The following FAF1 variants were observed in gnomAD, a reference collection of about 807,000 sequenced individuals.
FAF1 encodes the protein FAS-associated factor 1.
FAF1 carries 25 observed loss-of-function variants against 92.5 expected under a neutral mutation model. The ratio of observed to expected loss-of-function variants is 0.27; its 90% CI spans 0.20 to 0.38. The LOEUF (loss-of-function observed/expected upper bound fraction) is 0.38. Ranked by LOEUF, FAF1 falls within the 10% of genes least tolerant of loss-of-function variation. The pLI is 1.00. For missense variants in FAF1, 636 were observed against 793.3 expected (o/e 0.80, Z 2.38); for synonymous variants, 234 against 273.2 (o/e 0.86, Z 1.42).
At chr1:50,795,740 G>A (rs947397975) in intron 3 of FAF1, among the ~76,000 whole-genome samples, 1 of 152,122 alleles carries the variant, frequency 6.6e-6, no homozygotes, top group African/African-American at 2.4e-5. Flanking sequence ...CAGAAATCAT[G>A]GTTCCCAAAG....
intron 2 of FAF1, among the ~76,000 whole-genome samples, chr1:50,848,455 T>C (rs527806906): frequency 1.3e-5 from 2 of 152,308 alleles, no homozygotes; most frequent in African/African-American, 2.4e-5. Context: ...ATTATGTCAA[T>C]GGAGAATAAA....
intron 2 of FAF1, among the ~76,000 whole-genome samples, chr1:50,840,949 G>C (rs1644250780): frequency 6.6e-6 from 1 of 151,954 alleles, no homozygotes; most frequent in Admixed American, 6.6e-5. Context: ...CTGAAGTTAA[G>C]ACTGGTACTG....
At chr1:50,602,706 T>G (rs1652202622) in intron 8 of FAF1, among the ~76,000 whole-genome samples, 1 of 152,068 alleles carries the variant, frequency 6.6e-6, no homozygotes. Flanking sequence ...TTCATCATGT[T>G]GCCCAGGCTG....
chr1:50,813,636 A>T lies in FAF1; in HGVS notation c.115-11959T>A, dbSNP rs931706742. On this transcript the variant is annotated intron_variant, in intron 2 of 18. Coordinates refer to ENST00000396153, the MANE Select transcript of FAF1 (RefSeq NM_007051.3). ...CCACCATGCCCAACTAATTTTAAAA[A>T]TTTTTTTGTAGAGACGGAGTTTCAC... Among the ~76,000 whole-genome samples the T allele has an allele frequency of 3.3e-5, 5 of 152,072 alleles. No individual in the cohort carries two copies. The South Asian group carries it at 6.2e-4, about 19-fold the overall frequency.
chr1:50,643,183 G>A (rs1264256104), intron 8 of FAF1, among the ~76,000 whole-genome samples: 1 of 152,092 alleles, frequency 6.6e-6, no homozygotes, highest in African/African-American at 2.4e-5. Flanking sequence ...CTCTTTTAAT[G>A]GATTTTTAGC....
chr1:50,751,040 T>C (rs1439598765), intron 4 of FAF1, among the ~76,000 whole-genome samples: 1 of 147,916 alleles, frequency 6.8e-6, no homozygotes, highest in East Asian at 2.1e-4. Context: ...ACTATACTAA[T>C]ATGGGGATGT....
chr1:50,478,990 A>G (rs1646670023), intron 17 of FAF1, among the ~76,000 whole-genome samples: 1 of 152,190 alleles, frequency 6.6e-6, no homozygotes, highest in South Asian at 2.1e-4. Flanking sequence ...TCAGAAGCAT[A>G]CCCTTTCCTG....
At chr1:50,500,353 C>T (rs1400032309) in intron 15 of FAF1, among the ~76,000 whole-genome samples, 1 of 151,916 alleles carries the variant, frequency 6.6e-6, no homozygotes, top group African/African-American at 2.4e-5. Context: ...AGATATAGAC[C>T]TATGCATATA....
chr1:50,640,872 T>C (rs576581979), intron 8 of FAF1, among the ~76,000 whole-genome samples: 41 of 144,560 alleles, frequency 2.8e-4, no homozygotes, highest in Non-Finnish European at 6.0e-4. Flanking sequence ...TCTCACTCTG[T>C]CGCCAGGCTG....
chr1:50,864,949 A>T (rs1424945580), intron 1 of FAF1, among the ~76,000 whole-genome samples: 1 of 152,126 alleles, frequency 6.6e-6, no homozygotes, highest in Non-Finnish European at 1.5e-5. Flanking sequence ...CATCTGACAA[A>T]GGGCTAATAT....
intron 8 of FAF1, among the ~76,000 whole-genome samples, chr1:50,602,503 C>CTT (rs1424715054): frequency 4.2e-4 from 58 of 136,666 alleles, no homozygotes; most frequent in African/African-American, 5.9e-4. Flanking sequence ...TAAAGTATTG[C>CTT]TTTTTTTTTT....
intron 1 of FAF1, among the ~76,000 whole-genome samples, chr1:50,880,699 T>TAAAAAAAA (rs1162506981): frequency 6.6e-6 from 1 of 152,218 alleles, no homozygotes; most frequent in Non-Finnish European, 1.5e-5. Context: ...TTCTGTTGTT[T>TAAAAAAAA]AAGGCACCCA....
chr1:50,682,478 T>G (rs1656467636), intron 7 of FAF1, among the ~76,000 whole-genome samples: 1 of 152,140 alleles, frequency 6.6e-6, no homozygotes, highest in African/African-American at 2.4e-5. Flanking sequence ...GGTTTTTGCA[T>G]CTTTCAATAA....
intron 8 of FAF1, among the ~76,000 whole-genome samples, chr1:50,653,724 G>A (rs1654978811): frequency 6.6e-6 from 1 of 152,116 alleles, no homozygotes; most frequent in South Asian, 2.1e-4. Context: ...AAATTACCCG[G>A]GTGTGGCGGC....
chr1:50,944,889 C>T (rs1645161927), intron 1 of FAF1, among the ~76,000 whole-genome samples: 1 of 152,120 alleles, frequency 6.6e-6, no homozygotes, highest in Admixed American at 6.5e-5. Context: ...GGCTATATAA[C>T]CTCCCACCCC....
intron 8 of FAF1, among the ~76,000 whole-genome samples, chr1:50,632,514 T>G (rs1364612612): frequency 1.3e-5 from 2 of 152,180 alleles, no homozygotes; most frequent in Non-Finnish European, 2.9e-5. Flanking sequence ...CTCTTCAGAT[T>G]CTCAAGTTAC....
intron 8 of FAF1, among the ~76,000 whole-genome samples, chr1:50,603,938 G>A (rs1011576952): frequency 1.3e-5 from 2 of 152,158 alleles, no homozygotes; most frequent in African/African-American, 4.8e-5. Flanking sequence ...TGTGTTCTCT[G>A]CCTGGCCTTG....
chr1:50,528,456 A>C (rs1647959051), intron 15 of FAF1, among the ~76,000 whole-genome samples: 2 of 152,336 alleles, frequency 1.3e-5, no homozygotes, highest in Middle Eastern at 6.8e-3. Flanking sequence ...TTATCAAAAA[A>C]TGTTCTAAGA....
chr1:50,846,253 A>G (rs1405051315), intron 2 of FAF1, among the ~76,000 whole-genome samples: 5 of 152,074 alleles, frequency 3.3e-5, no homozygotes, highest in African/African-American at 1.2e-4. Flanking sequence ...TACAAAAAAA[A>G]AAAAGAAAAG....
Sources: gnomAD v4.1 joint callset for allele counts (sites outside exome capture counted in the v4.1 genomes callset) on GRCh38, gnomAD v4.1.1 for gene constraint, MANE v1.5 for transcripts, NCBI Gene and HGNC (gene_info 2026-07-23, HGNC 2026-07-21) for gene names.